The following GLB1L3 variants were observed in gnomAD, a reference collection of about 807,000 sequenced individuals.
GLB1L3 encodes the protein galactosidase beta 1 like 3.
GLB1L3 carries 89 observed loss-of-function variants against 89.5 expected under a neutral mutation model. That is an observed-to-expected ratio of 0.99 (90% CI 0.84 to 1.19). The LOEUF is 1.19. Ranked by LOEUF, GLB1L3 falls within the 50% of genes most tolerant of loss-of-function variation. The pLI is 0.00. For synonymous variants in GLB1L3, 314 were observed against 312.3 expected (o/e 1.01, Z -0.06); for missense variants, 812 against 813.3 (o/e 1.00, Z 0.02).
chr11:134,310,181 A>C (rs1942652757), intron 11 of GLB1L3: 1 of 374,872 alleles, frequency 2.7e-6, no homozygotes, highest in East Asian at 5.4e-5. Context: ...CTTGGGCCAC[A>C]CATGAAATAC....
At chr11:134,300,922 G>C (rs1941913521) in intron 9 of GLB1L3, among the ~76,000 whole-genome samples, 2 of 152,150 alleles carry the variant, frequency 1.3e-5, no homozygotes, top group South Asian at 4.1e-4. Flanking sequence ...AATTTGGCTG[G>C]GGGACGCAAT....
At chr11:134,308,869 C>A (rs962370816) in intron 10 of GLB1L3, among the ~76,000 whole-genome samples, 3 of 152,208 alleles carry the variant, frequency 2.0e-5, no homozygotes, top group Non-Finnish European at 4.4e-5. Flanking sequence ...CCAGGTCATA[C>A]AAATAGTAAC....
At chr11:134,292,915 G>A in intron 8 of GLB1L3, 1 of 603,058 alleles carries the variant, frequency 1.7e-6, no homozygotes, top group Non-Finnish European at 3.0e-6. Context: ...TCACTTCTCT[G>A]CACAGAGTGT....
chr11:134,319,724 ATG>A (rs71464005), downstream of GLB1L3, among the ~76,000 whole-genome samples: 1,416 of 128,272 alleles, frequency 0.011, 23 homozygotes, highest in African/African-American at 0.036. Flanking sequence ...CTCTCTGTGT[ATG>A]TGTGTGTGTG....
In GLB1L3 at chr11:134,313,856, A is replaced by G. The variant is rs112752159; in HGVS notation, c.1580-85A>G. 3.6e-3 allele frequency: 3,044 copies of G among 854,236 alleles called. 67 individuals are homozygous for G. The African/African-American group carries it at 0.044, about 12-fold the overall frequency. 52.9% of individuals were successfully genotyped at this position (854,236 alleles called of 1,614,324 possible). On this transcript the variant is annotated intron_variant, in intron 16 of 19. Coordinates refer to ENST00000431683, the MANE Select transcript of GLB1L3 (RefSeq NM_001080407.3). The stretch of plus-strand genomic sequence containing the variant: ...TGTGCCCCTGTCCTAAGGCATGTAC[A>G]AGTCTGCATTGCTTTGTCCCAGATG...
chr11:134,314,338 C>T lies in GLB1L3; in HGVS notation c.1676C>T (p.Ser559Phe), dbSNP rs1490050767. The change falls in exon 18 of 20, where the codon TCT (serine) becomes TTT (phenylalanine). Residue 559 changes from serine to phenylalanine, a missense_variant. Coordinates refer to ENST00000431683, the MANE Select transcript of GLB1L3 (RefSeq NM_001080407.3). ...CTTGGCCTTTCTTCCAGGCTCCGCT[C>T]TGCCACCTGGAAGCCTGTCCCAGAC... The part of the protein sequence containing the change: ...MKMSFFERLR[S>F]ATWKPVPDSH... 7 of 1,547,806 alleles carry T rather than the reference C, an allele frequency of 4.5e-6. No homozygotes were observed. The highest frequency in any genetic ancestry group is 2.0e-5 in the Admixed American group (1 of 49,970).
chr11:134,286,172 G>A (rs1484636816), intron 6 of GLB1L3, among the ~76,000 whole-genome samples: 2 of 152,058 alleles, frequency 1.3e-5, no homozygotes, highest in African/African-American at 4.8e-5. Flanking sequence ...GCCTCCCAAA[G>A]GGCTGGGATT....
At chr11:134,308,420 CAT>C (rs1942442708) in intron 10 of GLB1L3, among the ~76,000 whole-genome samples, 1 of 97,180 alleles carries the variant, frequency 1.0e-5, no homozygotes, top group South Asian at 3.0e-4. Flanking sequence ...CCACCACCAT[CAT>C]CACCATCACC....
At chr11:134,316,135 C>G (rs1942967883) in intron 18 of GLB1L3, among the ~76,000 whole-genome samples, 1 of 152,016 alleles carries the variant, frequency 6.6e-6, no homozygotes, top group African/African-American at 2.4e-5. Context: ...TTCCCCTTCT[C>G]CCACCGCCTG....
chr11:134,303,403 T>G (rs1046217439), intron 9 of GLB1L3, among the ~76,000 whole-genome samples: 2 of 152,228 alleles, frequency 1.3e-5, no homozygotes, highest in African/African-American at 4.8e-5. Flanking sequence ...TTTTAAGTGT[T>G]TCTTTTCTTT....
chr11:134,320,750 A>C (rs1025205214), downstream of GLB1L3, among the ~76,000 whole-genome samples: 11 of 150,434 alleles, frequency 7.3e-5, no homozygotes, highest in African/African-American at 1.7e-4. Context: ...AAAAAAAAAA[A>C]CAAAATATAG....
intron 3 of GLB1L3, among the ~76,000 whole-genome samples, chr11:134,280,788 A>G (rs1035217076): frequency 1.3e-5 from 2 of 152,264 alleles, no homozygotes; most frequent in African/African-American, 4.8e-5. Context: ...CACAGGGCTT[A>G]TAGGAAACAT....
At chr11:134,276,805 G>T (rs949681933) in intron 1 of GLB1L3, 42 bp downstream of exon 1, 2 of 1,369,626 alleles carry the variant, frequency 1.5e-6, no homozygotes, top group African/African-American at 1.5e-5. Context: ...CCACCACCCC[G>T]GCGCGTGCCC....
chr11:134,280,152 G>A (rs960301193), intron 3 of GLB1L3, among the ~76,000 whole-genome samples: 2 of 151,526 alleles, frequency 1.3e-5, no homozygotes, highest in Non-Finnish European at 2.9e-5. Context: ...TAGCTATTTG[G>A]GAATACGCTT....
intron 7 of GLB1L3, among the ~76,000 whole-genome samples, chr11:134,289,418 C>CAA (rs1941213867): frequency 6.6e-6 from 1 of 151,922 alleles, no homozygotes; most frequent in Admixed American, 6.6e-5. Flanking sequence ...GATTGTAACT[C>CAA]GTATTGAAAA....
chr11:134,310,331 T>C, intron 11 of GLB1L3: 1 of 533,042 alleles, frequency 1.9e-6, no homozygotes, highest in Non-Finnish European at 3.3e-6. Flanking sequence ...CAAGTTTGCA[T>C]TAGAAAGTGA....
intron 15 of GLB1L3, 31 bp downstream of exon 15, chr11:134,312,918 T>A: frequency 7.0e-7 from 1 of 1,419,704 alleles, no homozygotes; most frequent in African/African-American, 1.4e-5. Flanking sequence ...GGTGATGCCC[T>A]CGACCCCCCT....
At chr11:134,323,881 G>A (rs575679812), downstream of GLB1L3, among the ~76,000 whole-genome samples, 1 of 152,278 alleles carries the variant, frequency 6.6e-6, no homozygotes, top group African/African-American at 2.4e-5. Flanking sequence ...AGAGACAAGA[G>A]AGTTTCAAAA....
chr11:134,293,054 C>T (rs1237766432), intron 8 of GLB1L3, 91 bp from the exon 9 acceptor site: 3 of 986,220 alleles, frequency 3.0e-6, no homozygotes, highest in Non-Finnish European at 4.8e-6. Context: ...ATGGGTTCCT[C>T]CTGCGTGCGT....
Sources: allele counts gnomAD v4.1 joint callset (sites outside exome capture counted in the v4.1 genomes callset), GRCh38; gene constraint gnomAD v4.1.1; transcripts MANE v1.5; gene names NCBI Gene and HGNC (gene_info 2026-07-23, HGNC 2026-07-21).